Variants in MEI4 observed in about 807,000 individuals in gnomAD.
MEI4 encodes meiosis-specific protein MEI4.
A neutral mutation model predicts 31.4 loss-of-function variants in MEI4; 27 were observed. The ratio of observed to expected loss-of-function variants is 0.86; its 90% confidence interval spans 0.63 to 1.19. The LOEUF (loss-of-function observed/expected upper bound fraction) is 1.19, where lower values mean the gene tolerates loss of function less well. Ranked by LOEUF, MEI4 falls within the 50% of genes most tolerant of loss-of-function variation. The probability of loss-of-function intolerance (pLI) is 0.00; values close to 1 mark genes in which losing one functional copy is unlikely to be tolerated. For synonymous variants in MEI4, 122 were observed against 145.4 expected (o/e 0.84, Z 1.16); for missense variants, 329 against 398.9 (o/e 0.82, Z 1.49).
intron 4 of MEI4, among the ~76,000 whole-genome samples, chr6:77,920,372 C>G (rs2127742451): frequency 6.6e-6 from 1 of 152,054 alleles, no homozygotes; most frequent in Admixed American, 6.6e-5. Flanking sequence ...TGTAATACAG[C>G]ATATAAACAG....
At chr6:77,659,999 G>A (rs1426057634) in intron 1 of MEI4, among the ~76,000 whole-genome samples, 1 of 152,208 alleles carries the variant, frequency 6.6e-6, no homozygotes, top group African/African-American at 2.4e-5. Context: ...GCTTGCTGAT[G>A]TGAAATGTCT....
intron 2 of MEI4, among the ~76,000 whole-genome samples, chr6:77,737,018 G>A (rs1396280745): frequency 1.3e-5 from 2 of 152,172 alleles, no homozygotes; most frequent in African/African-American, 4.8e-5. Flanking sequence ...TACAGAGCAT[G>A]AGGAGGTGTT....
At chr6:77,670,819 A>G (rs1768724418) in intron 1 of MEI4, among the ~76,000 whole-genome samples, 1 of 152,146 alleles carries the variant, frequency 6.6e-6, no homozygotes, top group African/African-American at 2.4e-5. Flanking sequence ...ACAATCTGAA[A>G]TACATACATT....
intron 3 of MEI4, among the ~76,000 whole-genome samples, chr6:77,779,168 A>T (rs1303297212): frequency 5.3e-5 from 8 of 152,200 alleles, no homozygotes; most frequent in Non-Finnish European, 1.0e-4. Context: ...GTAGAGATGA[A>T]GAAGCCTGCA....
chr6:77,907,680 A>G lies in MEI4; in HGVS notation c.901-15409A>G, dbSNP rs540472375. ...TAATGGGATGGCTGGGTCAAATGGTATTTCTAGTTCTAGATCCCTGAGGAA... is the reference window on the plus strand; with the variant it reads ...TAATGGGATGGCTGGGTCAAATGGTGTTTCTAGTTCTAGATCCCTGAGGAA... On this transcript the variant is annotated intron_variant, in intron 4 of 4. Transcript: ENST00000684080. Among the ~76,000 whole-genome samples, 17 of 152,076 alleles carry G rather than the reference A, an allele frequency of 1.1e-4. 1 individual carries two copies. The highest frequency in any genetic ancestry group is 2.0e-4 in the Admixed American group (3 of 15,258).
At chr6:77,919,673 A>T (rs1455016250) in intron 4 of MEI4, among the ~76,000 whole-genome samples, 1 of 144,284 alleles carries the variant, frequency 6.9e-6, no homozygotes, top group Admixed American at 7.0e-5. Context: ...GGAAATAGAG[A>T]CACAAAAAAC....
intron 2 of MEI4, among the ~76,000 whole-genome samples, chr6:77,705,096 G>A (rs992504810): frequency 6.6e-6 from 1 of 152,144 alleles, no homozygotes; most frequent in African/African-American, 2.4e-5. Flanking sequence ...ATACTGTTTA[G>A]TGCAATATGT....
intron 3 of MEI4, among the ~76,000 whole-genome samples, chr6:77,790,824 C>A (rs1414808372): frequency 6.6e-6 from 1 of 151,808 alleles, no homozygotes; most frequent in Non-Finnish European, 1.5e-5. Flanking sequence ...TGAACTCAAA[C>A]AAATTTACAA....
chr6:77,800,266 G>T (rs1186423605), intron 3 of MEI4, among the ~76,000 whole-genome samples: 15 of 151,980 alleles, frequency 9.9e-5, no homozygotes, highest in Non-Finnish European at 2.2e-4. Context: ...AATTGTGAAT[G>T]GGAGTTCACT....
chr6:77,700,384 C>A (rs1366085307), intron 2 of MEI4, among the ~76,000 whole-genome samples: 1 of 152,202 alleles, frequency 6.6e-6, no homozygotes, highest in Admixed American at 6.5e-5. Flanking sequence ...GGGTGTAGGA[C>A]CCTCCTAGCC....
At chr6:77,894,316 A>C (rs184988704) in intron 4 of MEI4, among the ~76,000 whole-genome samples, 170 of 152,274 alleles carry the variant, frequency 1.1e-3, no homozygotes, top group Admixed American at 2.3e-3. Context: ...GGTGACTTAC[A>C]CTGTACCTAA....
At chr6:77,797,883 C>T (rs182727080) in intron 3 of MEI4, among the ~76,000 whole-genome samples, 390 of 152,218 alleles carry the variant, frequency 2.6e-3, no homozygotes, top group African/African-American at 8.9e-3. Context: ...AGAAACAAAA[C>T]TTTACCAGCT....
intron 2 of MEI4, among the ~76,000 whole-genome samples, chr6:77,736,756 T>C (rs990307239): frequency 2.0e-4 from 31 of 152,160 alleles, no homozygotes; most frequent in African/African-American, 7.0e-4. Flanking sequence ...CTAGTGAGGG[T>C]AAGATTACAT....
chr6:77,666,068 T>G (rs1469860677), intron 1 of MEI4, among the ~76,000 whole-genome samples: 1 of 152,118 alleles, frequency 6.6e-6, no homozygotes, highest in Non-Finnish European at 1.5e-5. Flanking sequence ...TTATTTCACC[T>G]GGGTGCAGGT....
chr6:77,773,365 C>T (rs1328839337), intron 3 of MEI4, among the ~76,000 whole-genome samples: 1 of 151,732 alleles, frequency 6.6e-6, no homozygotes, highest in African/African-American at 2.4e-5. Context: ...AATAGAGAAC[C>T]CAGAAATAAA....
chr6:77,921,260 G>T (rs13214533), intron 4 of MEI4, among the ~76,000 whole-genome samples: 13,972 of 151,838 alleles, frequency 0.092, 942 homozygotes, highest in East Asian at 0.31. Context: ...ATGTTATAAA[G>T]GTGGCTTCTT....
chr6:77,919,577 C>T (rs868120075), intron 4 of MEI4, among the ~76,000 whole-genome samples: 30 of 151,882 alleles, frequency 2.0e-4, no homozygotes, highest in Middle Eastern at 3.4e-3. Flanking sequence ...CCTAACATCA[C>T]AATTAAAAGA....
chr6:77,724,927 T>C (rs1582061924), intron 2 of MEI4, among the ~76,000 whole-genome samples: 2 of 145,376 alleles, frequency 1.4e-5, no homozygotes, highest in Admixed American at 1.4e-4. Context: ...TTACAATCTA[T>C]TATACCGCTT....
intron 1 of MEI4, among the ~76,000 whole-genome samples, chr6:77,667,774 A>T (rs1003783232): frequency 6.6e-6 from 1 of 152,104 alleles, no homozygotes; most frequent in Non-Finnish European, 1.5e-5. Flanking sequence ...TGGGGGAAGG[A>T]TGTATTCCTC....
Sources: allele counts gnomAD v4.1 joint callset (sites outside exome capture counted in the v4.1 genomes callset), GRCh38; gene constraint gnomAD v4.1.1; transcripts MANE v1.5; gene names NCBI Gene and HGNC (gene_info 2026-07-23, HGNC 2026-07-21).